NALCN: variants seen among roughly 807,000 people sequenced by gnomAD.
NALCN encodes the protein sodium leak channel, non-selective.
NALCN carries 111 observed loss-of-function variants against 225.3 expected under a neutral mutation model. The ratio of observed to expected loss-of-function variants is 0.49; its 90% CI spans 0.42 to 0.58. The LOEUF (loss-of-function observed/expected upper bound fraction) is 0.58. Among genes scored for constraint, NALCN ranks in the 20% least tolerant of loss-of-function variants. NALCN has a pLI of 0.00. For synonymous variants in NALCN, 764 were observed against 769.0 expected (o/e 0.99, Z 0.11); for missense variants, 1,378 against 2,202.4 (o/e 0.63, Z 7.49).
chr13:101,367,952 T>C (rs897022339), intron 6 of NALCN, among the ~76,000 whole-genome samples: 1 of 151,742 alleles, frequency 6.6e-6, no homozygotes, highest in African/African-American at 2.4e-5. Context: ...TTGAATGTTC[T>C]TACACAGGGA....
chr13:101,142,941 T>C (rs777901735), intron 17 of NALCN, 139 bp downstream of exon 17: 2 of 1,222,552 alleles, frequency 1.6e-6, no homozygotes, highest in East Asian at 2.4e-5. Context: ...GGTTTCATGA[T>C]ATCTTTTACA....
At chr13:101,297,813 C>T (rs929268891) in intron 7 of NALCN, among the ~76,000 whole-genome samples, 1 of 152,204 alleles carries the variant, frequency 6.6e-6, no homozygotes, top group African/African-American at 2.4e-5. Flanking sequence ...AATAGACTTT[C>T]ATCTGTGGTG....
At chr13:101,108,044 A>C (rs1470365363) in intron 20 of NALCN, among the ~76,000 whole-genome samples, 1 of 148,346 alleles carries the variant, frequency 6.7e-6, no homozygotes, top group African/African-American at 2.4e-5. Context: ...TTAAATATGT[A>C]TATTTATACT....
chr13:101,382,940 T>A (rs1029785130), intron 3 of NALCN, among the ~76,000 whole-genome samples: 1 of 152,154 alleles, frequency 6.6e-6, no homozygotes, highest in African/African-American at 2.4e-5. Flanking sequence ...ATGGAAATAA[T>A]CCTCTGGGCA....
intron 7 of NALCN, among the ~76,000 whole-genome samples, chr13:101,326,200 C>A (rs1453793642): frequency 1.3e-5 from 2 of 152,094 alleles, no homozygotes; most frequent in African/African-American, 2.4e-5. Context: ...AACTTATAAG[C>A]AAGAATAAAT....
At position 101,115,643 on chromosome 13, in the gene NALCN, C is replaced by T. The variant is rs142948894; in HGVS notation, c.2193-4417G>A. ...TACATTTTTCATTAGTATTGAGATGCCTTTTGGTCTCATGTAAGGACAAAG... is the reference window on the plus strand; with the variant it reads ...TACATTTTTCATTAGTATTGAGATGTCTTTTGGTCTCATGTAAGGACAAAG... On this transcript the variant is annotated intron_variant, in intron 18 of 43. Transcript: ENST00000251127. Among the ~76,000 whole-genome samples, 859 of 152,172 alleles carry T rather than the reference C, an allele frequency of 5.6e-3. 5 individuals are homozygous for T. Among genetic ancestry groups the T allele is most frequent in the African/African-American group, 0.02 (814 of 41,536 alleles).
chr13:101,336,542 C>T (rs944048660), intron 7 of NALCN, among the ~76,000 whole-genome samples: 1 of 152,170 alleles, frequency 6.6e-6, no homozygotes, highest in Non-Finnish European at 1.5e-5. Flanking sequence ...TACAAGTCAT[C>T]ATCTTAAATT....
chr13:101,072,438 CATT>C (rs2032959687), intron 37 of NALCN, among the ~76,000 whole-genome samples: 1 of 152,212 alleles, frequency 6.6e-6, no homozygotes, highest in Non-Finnish European at 1.5e-5. Flanking sequence ...AAAACTCTCT[CATT>C]GTTTACAGGC....
Position 101,376,990 on chromosome 13 carries a change from G to A in NALCN, c.442C>T (p.Leu148=), listed in dbSNP as rs1484936480. Residue 148 remains leucine, a synonymous_variant, in exon 5 of 44, where the codon CTG becomes TTG. Transcript: ENST00000251127. ...ATCCGGAATGCTCGGATCATAATCA[G>A]TGGCCGTGGAATCCGCAACATGCCC... ...PWGMLRIPRP[L]IMIRAFRIYF... 6.2e-7 allele frequency: 1 copy of A among 1,614,062 alleles called. No individual in the cohort carries two copies. The highest frequency in any genetic ancestry group is 1.3e-5 in the African/African-American group (1 of 74,924).
At chr13:101,139,174 A>G (rs919081380) in intron 17 of NALCN, among the ~76,000 whole-genome samples, 3 of 152,182 alleles carry the variant, frequency 2.0e-5, no homozygotes, top group Non-Finnish European at 4.4e-5. Flanking sequence ...CACCAGGGCT[A>G]TTTTTAAAAA....
intron 20 of NALCN, among the ~76,000 whole-genome samples, chr13:101,109,466 T>C (rs2035314489): frequency 6.6e-6 from 1 of 152,174 alleles, no homozygotes; most frequent in South Asian, 2.1e-4. Context: ...TGAAAGCAGA[T>C]GTAGTAGGCA....
At chr13:101,338,089 A>G (rs545362788) in intron 7 of NALCN, among the ~76,000 whole-genome samples, 13 of 152,366 alleles carry the variant, frequency 8.5e-5, no homozygotes, top group Admixed American at 8.5e-4. Flanking sequence ...TACAAAAGTA[A>G]CGACTGTCTG....
Position 101,365,126 on chromosome 13 carries a change from A to G in NALCN, c.644+11574T>C, listed in dbSNP as rs534640808. Among the ~76,000 whole-genome samples the G allele has an allele frequency of 7.2e-5, 11 of 152,246 alleles. No individual in the cohort carries two copies. The South Asian group carries it at 2.3e-3, about 32-fold the overall frequency. ...ACTGCGTGTCATGCGAGCGTGGCGT[A>G]CAGATTGTTTCGCCACTCAGCTAAT... On this transcript the variant is annotated intron_variant, in intron 6 of 43. Coordinates refer to ENST00000251127, the MANE Select transcript of NALCN (RefSeq NM_052867.4).
rs562537131 is a variant in NALCN at position 101,083,014 on chromosome 13, T to G, written c.3690+78A>C. On this transcript the variant is annotated intron_variant, in intron 32 of 43. Transcript: ENST00000251127. ...ACCCAAGAACATAACCGTGAATGCA[T>G]ATAGCAGCTTGTGATACTCTCGGAT... 260 of 1,541,134 alleles carry G rather than the reference T, an allele frequency of 1.7e-4. 1 individual carries two copies. The South Asian group carries it at 2.8e-3, about 16-fold the overall frequency.
intron 14 of NALCN, among the ~76,000 whole-genome samples, chr13:101,186,274 T>C (rs1391790133): frequency 6.6e-6 from 1 of 152,222 alleles, no homozygotes; most frequent in East Asian, 1.9e-4. Context: ...CTGGTTTTAT[T>C]TGTTTGTTGG....
Position 101,292,390 on chromosome 13 carries a change from C to A in NALCN, c.800-24G>T, listed in dbSNP as rs2043586751. ...TCCTGTCATGACAGAGGAGGACAGA[C>A]TGAGTCACAGCTGACTTTTGAAATA... On this transcript the variant is annotated intron_variant, in intron 7 of 43. Coordinates refer to ENST00000251127, the MANE Select transcript of NALCN (RefSeq NM_052867.4). The surrounding 1 kb of genome is among the most constrained non-coding windows in gnomAD (Gnocchi z 4.3). The A allele has an allele frequency of 3.8e-6, 6 of 1,587,398 alleles. No homozygotes were observed. The highest frequency in any genetic ancestry group is 5.1e-6 in the Non-Finnish European group (6 of 1,165,844).
intron 13 of NALCN, among the ~76,000 whole-genome samples, chr13:101,225,163 C>T (rs893266721): frequency 1.3e-5 from 2 of 152,142 alleles, no homozygotes; most frequent in African/African-American, 4.8e-5. Context: ...TCTCCCTGGC[C>T]TCCTCCTTGT....
chr13:101,253,895 CA>C (rs1171245818), intron 11 of NALCN, among the ~76,000 whole-genome samples: 1 of 152,018 alleles, frequency 6.6e-6, no homozygotes, highest in Non-Finnish European at 1.5e-5. Context: ...GGCCTAAACT[CA>C]AGACATCTTT....
At position 101,222,928 on chromosome 13, in the gene NALCN, A is replaced by G. The variant is rs574601336; in HGVS notation, c.1626+6465T>C. On this transcript the variant is annotated intron_variant, in intron 13 of 43. Coordinates refer to ENST00000251127, the MANE Select transcript of NALCN (RefSeq NM_052867.4). ...AAAAGCCACATTTCTTTAGGGAACC[A>G]TGAGGCTGACTACTGGGCAAAACAT... Among the ~76,000 whole-genome samples, 19 of 152,312 alleles carry G rather than the reference A, an allele frequency of 1.2e-4. No homozygotes were observed. The South Asian group carries it at 3.9e-3, about 32-fold the overall frequency.
Sources: gnomAD v4.1 joint callset for allele counts (sites outside exome capture counted in the v4.1 genomes callset) on GRCh38, gnomAD v4.1.1 for gene constraint, Gnocchi (gnomAD v3.1) non-coding constraint, MANE v1.5 for transcripts, NCBI Gene and HGNC (gene_info 2026-07-23, HGNC 2026-07-21) for gene names.